The following CDH18 variants were observed in gnomAD, a reference collection of about 807,000 sequenced individuals.
The protein encoded by CDH18 is cadherin-18.
Under a neutral mutation model 67.9 loss-of-function variants are expected in CDH18, and 31 were observed. The observed-to-expected ratio is 0.46, with a 90% CI of 0.34 to 0.62. CDH18 has a LOEUF of 0.62. Among genes scored for constraint, CDH18 ranks in the 20% least tolerant of loss-of-function variants. The pLI, the probability that CDH18 is intolerant of heterozygous loss-of-function variation, is 0.01. For synonymous variants in CDH18, 362 were observed against 347.2 expected, an observed-to-expected ratio of 1.04 and a Z score of -0.48; for missense variants, 890 against 975.5, an observed-to-expected ratio of 0.91 and a Z score of 1.17.
Position 20,396,670 on chromosome 5 carries a change from T to C in CDH18, c.-579-141165A>G, listed in dbSNP as rs376022023. Among the ~76,000 whole-genome samples, 15 of 152,294 alleles carry C rather than the reference T, an allele frequency of 9.8e-5. No individual in the cohort carries two copies. The East Asian group carries it at 2.5e-3, about 25-fold the overall frequency. On this transcript the variant is annotated intron_variant, in intron 1 of 14. Transcript: ENST00000507958. ...CTAATGAATTGATTTATTTTATGCA[T>C]TTGTTAAACATCATTTAGATGCACT...
chr5:20,264,867 GCA>G (rs1006757172), intron 1 of CDH18, among the ~76,000 whole-genome samples: 12 of 152,040 alleles, frequency 7.9e-5, no homozygotes, highest in Non-Finnish European at 1.5e-4. Context: ...TATTCATCAA[GCA>G]CAGTCTAAAT....
At chr5:20,459,990 G>A (rs1173266625) in intron 1 of CDH18, among the ~76,000 whole-genome samples, 4 of 152,094 alleles carry the variant, frequency 2.6e-5, no homozygotes, top group Admixed American at 2.6e-4. Flanking sequence ...GGGAGGCAGG[G>A]AAAACCTCAG....
chr5:20,542,327 AATT>A (rs1184953591), intron 1 of CDH18, among the ~76,000 whole-genome samples: 4 of 151,488 alleles, frequency 2.6e-5, no homozygotes, highest in South Asian at 4.2e-4. Context: ...CTATTATTAT[AATT>A]ATTATTATTA....
chr5:20,484,139 A>G (rs958986614), intron 1 of CDH18, among the ~76,000 whole-genome samples: 3 of 152,162 alleles, frequency 2.0e-5, no homozygotes, highest in Non-Finnish European at 4.4e-5. Context: ...AAATTTCTCA[A>G]AAGAAGACCT....
intron 4 of CDH18, among the ~76,000 whole-genome samples, chr5:19,734,483 T>C (rs1768034569): frequency 6.6e-6 from 1 of 152,140 alleles, no homozygotes; most frequent in South Asian, 2.1e-4. Flanking sequence ...TGTCACAATA[T>C]TCCTTTTTTG....
chr5:19,598,739 A>T (rs1746581701), intron 6 of CDH18, among the ~76,000 whole-genome samples: 1 of 152,174 alleles, frequency 6.6e-6, no homozygotes, highest in Non-Finnish European at 1.5e-5. Context: ...TATGTTTAGT[A>T]TTAAAAATTA....
At chr5:19,753,098 C>A (rs1771072357) in intron 3 of CDH18, among the ~76,000 whole-genome samples, 1 of 152,150 alleles carries the variant, frequency 6.6e-6, no homozygotes, top group Non-Finnish European at 1.5e-5. Context: ...AAAACCAACT[C>A]TGGTAATATG....
At chr5:19,535,476 T>G (rs886192827) in intron 9 of CDH18, among the ~76,000 whole-genome samples, 2 of 152,112 alleles carry the variant, frequency 1.3e-5, no homozygotes, top group Non-Finnish European at 2.9e-5. Context: ...CACTCCGAGG[T>G]GACGGGTTTT....
At chr5:19,579,895 T>C (rs1482614503) in intron 7 of CDH18, among the ~76,000 whole-genome samples, 1 of 149,108 alleles carries the variant, frequency 6.7e-6, no homozygotes, top group Non-Finnish European at 1.5e-5. Context: ...TATCCTTCAA[T>C]CCACCCCCCC....
Position 20,169,558 on chromosome 5 carries a change from G to A in CDH18, c.-518+85886C>T, listed in dbSNP as rs186598941. On this transcript the variant is annotated intron_variant, in intron 2 of 14. Coordinates refer to the CDH18 transcript ENST00000507958. ...TTGAAAGTGAATTCTCCTTTGAACC[G>A]TAAAAGCCAAAAGGTTTCATAATTG... Among the ~76,000 whole-genome samples, 54 of 152,132 alleles carry A rather than the reference G, an allele frequency of 3.5e-4. No individual in the cohort carries two copies. The South Asian group carries it at 8.9e-3, about 25-fold the overall frequency.
chr5:19,769,885 C>T (rs1773540313), intron 3 of CDH18, among the ~76,000 whole-genome samples: 3 of 150,420 alleles, frequency 2.0e-5, no homozygotes, highest in Non-Finnish European at 4.4e-5. Context: ...TAGCACAACT[C>T]AACAATAAGG....
chr5:19,783,000 A>G (rs1775305260), intron 3 of CDH18, among the ~76,000 whole-genome samples: 1 of 152,156 alleles, frequency 6.6e-6, no homozygotes, highest in South Asian at 2.1e-4. Context: ...GAGAAGTTTA[A>G]TACTTTGTGT....
At chr5:20,099,480 A>C (rs921898370) in intron 2 of CDH18, among the ~76,000 whole-genome samples, 110 of 152,270 alleles carry the variant, frequency 7.2e-4, no homozygotes, top group African/African-American at 2.6e-3. Flanking sequence ...TCTTTTAAAC[A>C]TTCATTTTTT....
At chr5:19,559,933 A>C (rs1057119075) in intron 8 of CDH18, among the ~76,000 whole-genome samples, 15 of 151,684 alleles carry the variant, frequency 9.9e-5, no homozygotes, top group African/African-American at 1.7e-4. Flanking sequence ...AACAAAAAAA[A>C]AACTCAGGAA....
chr5:19,996,737 C>T (rs1736052617), intron 2 of CDH18, among the ~76,000 whole-genome samples: 1 of 151,934 alleles, frequency 6.6e-6, no homozygotes, highest in South Asian at 2.1e-4. Flanking sequence ...ATTTCTCTAT[C>T]ATGTTATTGC....
intron 2 of CDH18, among the ~76,000 whole-genome samples, chr5:20,140,688 T>C (rs1750176676): frequency 6.6e-6 from 1 of 152,174 alleles, no homozygotes; most frequent in South Asian, 2.1e-4. Context: ...GACAGTTCTC[T>C]GATGGGTTTA....
intron 2 of CDH18, among the ~76,000 whole-genome samples, chr5:19,975,109 A>G (rs1354015150): frequency 6.6e-6 from 1 of 152,198 alleles, no homozygotes; most frequent in Non-Finnish European, 1.5e-5. Flanking sequence ...TGCATGCACA[A>G]GTAAATTATA....
intron 5 of CDH18, among the ~76,000 whole-genome samples, chr5:19,677,732 TG>T (rs1203068705): frequency 6.6e-6 from 1 of 150,544 alleles, no homozygotes; most frequent in Non-Finnish European, 1.5e-5. Context: ...ACCAAGCAAA[TG>T]AGAAACAGAA....
intron 1 of CDH18, among the ~76,000 whole-genome samples, chr5:20,555,882 G>A (rs1272911780): frequency 6.6e-5 from 10 of 151,638 alleles, no homozygotes; most frequent in African/African-American, 2.2e-4. Context: ...ATTCCCCCAC[G>A]TATCTCAAAT....
Sources: allele counts gnomAD v4.1 joint callset (sites outside exome capture counted in the v4.1 genomes callset), GRCh38; gene constraint gnomAD v4.1.1; transcripts MANE v1.5; gene names NCBI Gene and HGNC (gene_info 2026-07-23, HGNC 2026-07-21).